The following RABGAP1L variants were observed in gnomAD, a reference collection of about 807,000 sequenced individuals.
The protein encoded by RABGAP1L is RAB GTPase activating protein 1 like.
Under a neutral mutation model 137.7 loss-of-function variants are expected in RABGAP1L, and 63 were observed. The ratio of observed to expected loss-of-function variants is 0.46; its 90% CI spans 0.37 to 0.56. The LOEUF is 0.56. Among genes scored for constraint, RABGAP1L ranks in the 20% least tolerant of loss-of-function variants. The pLI, the probability that RABGAP1L is intolerant of heterozygous loss-of-function variation, is 0.00. For missense variants in RABGAP1L, 1,095 were observed against 1,244.0 expected, an observed-to-expected ratio of 0.88 and a Z score of 1.80; for synonymous variants, 431 against 433.7, an observed-to-expected ratio of 0.99 and a Z score of 0.08.
intron 4 of RABGAP1L, 104 bp downstream of exon 4, chr1:174,231,459 G>A (rs1670643301): frequency 9.7e-6 from 10 of 1,032,754 alleles, no homozygotes; most frequent in Admixed American, 1.8e-5. Flanking sequence ...AACTCACACT[G>A]TAGACATGCA....
chr1:174,227,063 G>A (rs1670242501), intron 3 of RABGAP1L, among the ~76,000 whole-genome samples: 1 of 151,958 alleles, frequency 6.6e-6, no homozygotes, highest in South Asian at 2.1e-4. Flanking sequence ...TAAGTTTTAA[G>A]TTTTGTCAAA....
intron 18 of RABGAP1L, among the ~76,000 whole-genome samples, chr1:174,794,159 AG>A (rs1443760915): frequency 6.6e-6 from 1 of 152,182 alleles, no homozygotes; most frequent in Non-Finnish European, 1.5e-5. Context: ...ATTGTCAATC[AG>A]GCAAAGAATA....
In RABGAP1L at chr1:174,993,313, T is replaced by C. The variant is rs1364618659; in HGVS notation, c.*3312T>C. On this transcript the variant is annotated 3_prime_UTR_variant, in exon 26 of 26. Transcript: ENST00000681986. Reference sequence around the variant, plus strand: ...CTCCCAGCTGTTAAATTAGTACTTCTTCATTGGCTTTCTGAAATGTCCTGA... The same window carrying C: ...CTCCCAGCTGTTAAATTAGTACTTCCTCATTGGCTTTCTGAAATGTCCTGA... The C allele has an allele frequency of 1.3e-5, 2 of 152,242 alleles. No individual in the cohort carries two copies. The highest frequency in any genetic ancestry group is 2.9e-5 in the Non-Finnish European group (2 of 68,036). 9.4% of individuals were successfully genotyped at this position (152,242 alleles called of 1,614,324 possible). A position where few individuals can be genotyped will look rare whatever the true frequency, so the allele number is the denominator to read the frequency against.
intron 13 of RABGAP1L, among the ~76,000 whole-genome samples, chr1:174,630,014 G>A (rs974980846): frequency 2.6e-5 from 4 of 151,404 alleles, no homozygotes; most frequent in East Asian, 3.9e-4. Context: ...CATTCAGTAT[G>A]ATATTGGCTG....
intron 11 of RABGAP1L, among the ~76,000 whole-genome samples, chr1:174,362,484 G>A (rs892763566): frequency 7.9e-5 from 12 of 152,184 alleles, no homozygotes; most frequent in African/African-American, 2.9e-4. Context: ...TGACTGGTGT[G>A]AAATGGTATC....
Position 174,675,578 on chromosome 1 carries a change from T to A in RABGAP1L, c.1825-7944T>A, listed in dbSNP as rs536678174. 1.6e-4 allele frequency among the ~76,000 whole-genome samples: 24 copies of A among 152,090 alleles called. No homozygotes were observed. In the South Asian group the frequency reaches 4.8e-3, roughly 30 times the overall value. On this transcript the variant is annotated intron_variant, in intron 14 of 25. Coordinates refer to ENST00000681986, the MANE Select transcript of RABGAP1L (RefSeq NM_001366446.1). ...GATTGACTTGGCGATGCGGGCTCTT[T>A]TTTGGTTCCATATGAACTTTAAAGT...
intron 12 of RABGAP1L, among the ~76,000 whole-genome samples, 196 bp from the exon 13 acceptor site, chr1:174,393,799 C>G (rs1470697609): frequency 1.3e-5 from 2 of 151,986 alleles, no homozygotes; most frequent in Non-Finnish European, 2.9e-5. Flanking sequence ...CCTGGTTCAC[C>G]AATAAGAAGA....
At chr1:174,769,675 AG>A (rs1404704201) in intron 18 of RABGAP1L, among the ~76,000 whole-genome samples, 1 of 152,094 alleles carries the variant, frequency 6.6e-6, no homozygotes, top group Non-Finnish European at 1.5e-5. Context: ...TAAAGCCAGG[AG>A]GGGAGTTGGC....
intron 13 of RABGAP1L, among the ~76,000 whole-genome samples, chr1:174,467,483 G>A (rs965494665): frequency 6.6e-6 from 1 of 151,988 alleles, no homozygotes; most frequent in African/African-American, 2.4e-5. Flanking sequence ...TGATTCTCAG[G>A]TCTTTGTTAG....
At chr1:174,508,965 A>G (rs1662083886) in intron 13 of RABGAP1L, among the ~76,000 whole-genome samples, 1 of 152,196 alleles carries the variant, frequency 6.6e-6, no homozygotes, top group South Asian at 2.1e-4. Flanking sequence ...GTGGTGTAGT[A>G]TTATACCGTC....
chr1:174,829,460 T>C (rs1216602479), intron 19 of RABGAP1L, among the ~76,000 whole-genome samples: 2 of 148,546 alleles, frequency 1.3e-5, no homozygotes, highest in Admixed American at 6.7e-5. Context: ...AAGACTTAGA[T>C]AGAAGGTCAT....
chr1:174,789,714 T>C (rs1441724076), intron 18 of RABGAP1L, among the ~76,000 whole-genome samples: 1 of 152,170 alleles, frequency 6.6e-6, no homozygotes, highest in Non-Finnish European at 1.5e-5. Context: ...TCTTGGTTGC[T>C]AAAGGAAACA....
At chr1:174,631,845 C>G (rs1198580623) in intron 13 of RABGAP1L, among the ~76,000 whole-genome samples, 1 of 150,994 alleles carries the variant, frequency 6.6e-6, no homozygotes, top group Non-Finnish European at 1.5e-5. Context: ...GACTCTTTAT[C>G]CAATTTGCCA....
chr1:174,377,288 T>A (rs1237319085), intron 12 of RABGAP1L, among the ~76,000 whole-genome samples: 3 of 152,144 alleles, frequency 2.0e-5, no homozygotes, highest in African/African-American at 7.2e-5. Flanking sequence ...CCCAAACTAA[T>A]CTTAAAATTA....
chr1:174,782,906 A>G (rs1687122933), intron 18 of RABGAP1L, among the ~76,000 whole-genome samples: 1 of 152,198 alleles, frequency 6.6e-6, no homozygotes, highest in African/African-American at 2.4e-5. Flanking sequence ...GGTGAGGGAC[A>G]ATGATTGGGA....
intron 19 of RABGAP1L, among the ~76,000 whole-genome samples, chr1:174,918,124 C>CT (rs11378864): frequency 0.59 from 89,759 of 151,680 alleles, 29,451 homozygotes; most frequent in African/African-American, 0.89. Context: ...TAATTTAGAA[C>CT]TATTATGAAG....
rs563816484 is a variant in RABGAP1L, at chr1:174,162,272, T to A, written c.-34+2615T>A. ...ATTTGTGACTTTTAAAAAACTTGAA[T>A]TTTTTTCTTTGCCTTAACCCAAACT... On this transcript the variant is annotated intron_variant, in intron 1 of 25. Transcript: ENST00000681986. Among the ~76,000 whole-genome samples, 9 of 152,278 alleles carry A rather than the reference T, an allele frequency of 5.9e-5. 1 individual carries two copies. In the South Asian group the frequency reaches 1.7e-3, roughly 28 times the overall value.
chr1:174,714,785 C>T (rs1680866054), intron 17 of RABGAP1L, among the ~76,000 whole-genome samples: 1 of 152,092 alleles, frequency 6.6e-6, no homozygotes, highest in Admixed American at 6.5e-5. Context: ...GATTTTCTCC[C>T]CTCTTTCCTG....
rs1669721263 is a variant in RABGAP1L, at chr1:174,221,141, T to A, written c.308T>A (p.Leu103Ter). The A allele has an allele frequency of 6.2e-7, 1 of 1,611,914 alleles. No homozygotes were observed. Among genetic ancestry groups the A allele is most frequent in the Non-Finnish European group, 8.5e-7 (1 of 1,178,820 alleles). ...ASQTNKPSLQ[L>*]ILDPSNTEIS... ...CAAACAAATAAGCCATCTCTTCAGT[T>A]AATTTTGGATCCGTCTAACACAGGT... The change falls in exon 3 of 26, where the codon TTA becomes TAA. Residue 103 changes from leucine (L) to a stop codon, truncating the protein, a stop_gained. Coordinates refer to ENST00000681986, the MANE Select transcript of RABGAP1L (RefSeq NM_001366446.1). LOFTEE classifies it high-confidence loss of function.
Sources: gnomAD v4.1 joint callset for allele counts (sites outside exome capture counted in the v4.1 genomes callset) on GRCh38, gnomAD v4.1.1 for gene constraint, MANE v1.5 for transcripts, NCBI Gene and HGNC (gene_info 2026-07-23, HGNC 2026-07-21) for gene names.